Variants in NPNT observed in about 807,000 individuals in gnomAD.
NPNT encodes the protein preosteoblast EGF-like repeat protein with MAM domain.
A neutral mutation model predicts 68.6 loss-of-function variants in NPNT; 45 were observed. That is an observed-to-expected ratio of 0.66 (90% CI 0.52 to 0.84). NPNT has a LOEUF of 0.84. NPNT is among the 40% of genes least tolerant of loss of function. The pLI is 0.00. For synonymous variants in NPNT, 233 were observed against 253.3 expected (o/e 0.92, Z 0.76); for missense variants, 672 against 714.8 (o/e 0.94, Z 0.68).
At chr4:105,946,165 G>A (rs1382716871) in intron 8 of NPNT, among the ~76,000 whole-genome samples, 3 of 152,118 alleles carry the variant, frequency 2.0e-5, no homozygotes, top group African/African-American at 2.4e-5. Context: ...AATGTTTCCT[G>A]TAAGTATAAA....
intron 2 of NPNT, among the ~76,000 whole-genome samples, chr4:105,920,974 T>C (rs1728214567): frequency 6.6e-6 from 1 of 152,100 alleles, no homozygotes; most frequent in Non-Finnish European, 1.5e-5. Context: ...AATAATAATA[T>C]GCTGCATCAA....
At chr4:105,939,445 G>A (rs1729753882) in intron 5 of NPNT, among the ~76,000 whole-genome samples, 3 of 152,188 alleles carry the variant, frequency 2.0e-5, no homozygotes, top group South Asian at 4.1e-4. Flanking sequence ...GGTGAAGTAG[G>A]TGAGGGTGAT....
chr4:105,911,596 G>T (rs10029268), intron 2 of NPNT: 3,005 of 153,268 alleles, frequency 0.02, 103 homozygotes, highest in African/African-American at 0.068. Context: ...AAATGGCTGT[G>T]CTTTCATGGT....
chr4:105,914,977 A>G (rs1727684242), intron 2 of NPNT, among the ~76,000 whole-genome samples: 1 of 152,200 alleles, frequency 6.6e-6, no homozygotes, highest in African/African-American at 2.4e-5. Context: ...GAACACTGTA[A>G]AGATTTTAAG....
chr4:105,936,837 C>T (rs900269437), intron 3 of NPNT, among the ~76,000 whole-genome samples, 172 bp from the exon 4 acceptor site: 8 of 152,176 alleles, frequency 5.3e-5, no homozygotes, highest in Non-Finnish European at 1.2e-4. Context: ...CCTAGTGTAA[C>T]GTACCTTCAA....
intron 2 of NPNT, among the ~76,000 whole-genome samples, chr4:105,914,344 C>T (rs1242490217): frequency 7.3e-6 from 1 of 136,950 alleles, no homozygotes; most frequent in Middle Eastern, 3.6e-3. Flanking sequence ...AGCTGGCTCT[C>T]TCTCTCCATT....
chr4:105,900,831 GTTGTT>G (rs1240138810), intron 2 of NPNT, among the ~76,000 whole-genome samples: 3,937 of 127,664 alleles, frequency 0.031, 159 homozygotes, highest in African/African-American at 0.12. Context: ...CATACCCTTG[GTTGTT>G]TTTTTTTTTT....
intron 10 of NPNT, among the ~76,000 whole-genome samples, chr4:105,963,053 C>T (rs1423064445): frequency 1.3e-5 from 2 of 151,892 alleles, no homozygotes; most frequent in East Asian, 1.9e-4. Context: ...AGTGAAACCC[C>T]GTCTTTACTA....
In NPNT at chr4:105,938,305, C is replaced by T. The variant is rs766140495; in HGVS notation, c.390C>T (p.Ala130=). Residue 130 remains alanine, a synonymous_variant, in exon 5 of 12, where the codon GCC becomes GCT. Coordinates refer to ENST00000379987, the MANE Select transcript of NPNT (RefSeq NM_001033047.3). ...AGCCAGTCACTCTCTTTCCAGGTGC[C>T]CTGACCTGCTCCATGGCAAACTGTC... ...MLMPDGSCSS[A]LTCSMANCQY... 7 of 1,613,152 alleles carry T rather than the reference C, an allele frequency of 4.3e-6. No individual in the cohort carries two copies. In the East Asian group the frequency reaches 1.6e-4, roughly 36 times the overall value.
chr4:105,965,826 A>G (rs1016824721), intron 10 of NPNT, among the ~76,000 whole-genome samples: 10 of 152,226 alleles, frequency 6.6e-5, no homozygotes, highest in Non-Finnish European at 1.5e-4. Flanking sequence ...TCCTTGGAAC[A>G]TCATTCGTTG....
At chr4:105,905,148 G>A (rs1560888537) in intron 2 of NPNT, among the ~76,000 whole-genome samples, 1 of 151,910 alleles carries the variant, frequency 6.6e-6, no homozygotes, top group Non-Finnish European at 1.5e-5. Flanking sequence ...CCATTTTGGG[G>A]ACACCGTTTA....
intron 11 of NPNT, among the ~76,000 whole-genome samples, chr4:105,967,821 CA>C (rs1238595097): frequency 3.3e-5 from 5 of 151,920 alleles, no homozygotes; most frequent in Non-Finnish European, 7.4e-5. Flanking sequence ...CCTTAGATTT[CA>C]AACTTTTACT....
intron 2 of NPNT, among the ~76,000 whole-genome samples, chr4:105,907,925 C>G (rs1238788932): frequency 1.3e-5 from 2 of 151,818 alleles, no homozygotes; most frequent in African/African-American, 4.8e-5. Context: ...ATATTACAGG[C>G]CAGACATGAT....
chr4:105,914,934 A>G (rs1727680964), intron 2 of NPNT, among the ~76,000 whole-genome samples: 1 of 152,188 alleles, frequency 6.6e-6, no homozygotes, highest in African/African-American at 2.4e-5. Flanking sequence ...ATATCATATT[A>G]AATACATTTG....
chr4:105,920,395 T>TAAAAAAAAAAAAAAAAAAAAAAA (rs11355483), intron 2 of NPNT, among the ~76,000 whole-genome samples: 5 of 79,506 alleles, frequency 6.3e-5, no homozygotes, highest in Admixed American at 1.3e-4. Context: ...GTTACTCTAC[T>TAAAAAAAAAAAAAAAAAAAAAAA]AAAAAAAAAA....
At chr4:105,931,256 G>A (rs770786238) in intron 3 of NPNT, among the ~76,000 whole-genome samples, 1 of 152,140 alleles carries the variant, frequency 6.6e-6, no homozygotes, top group Middle Eastern at 3.4e-3. Flanking sequence ...CATATTCTCA[G>A]AAATGAAAGA....
intron 2 of NPNT, among the ~76,000 whole-genome samples, chr4:105,913,744 A>C (rs914328102): frequency 6.6e-6 from 1 of 152,178 alleles, no homozygotes; most frequent in African/African-American, 2.4e-5. Flanking sequence ...ACAATTCTTC[A>C]GTTATTCATT....
intron 8 of NPNT, among the ~76,000 whole-genome samples, chr4:105,950,733 T>C (rs1229473624): frequency 6.6e-6 from 1 of 152,168 alleles, no homozygotes; most frequent in Non-Finnish European, 1.5e-5. Flanking sequence ...AGGGTTCCAA[T>C]GCCTGACAAC....
chr4:105,942,793 TAAG>T, intron 8 of NPNT, 91 bp downstream of exon 8: 1 of 1,208,778 alleles, frequency 8.3e-7, no homozygotes, highest in Non-Finnish European at 1.2e-6. Context: ...ATGAAACTCG[TAAG>T]AAGAACTAGC....
Sources: gnomAD v4.1 joint callset for allele counts (sites outside exome capture counted in the v4.1 genomes callset) on GRCh38, gnomAD v4.1.1 for gene constraint, MANE v1.5 for transcripts, NCBI Gene and HGNC (gene_info 2026-07-23, HGNC 2026-07-21) for gene names.